Variants in NAA11 observed in about 807,000 individuals in gnomAD.
NAA11 encodes the protein N-alpha-acetyltransferase 11.
A neutral mutation model predicts 16.1 loss-of-function variants in NAA11; 15 were observed. The ratio of observed to expected loss-of-function variants is 0.93; its 90% CI spans 0.62 to 1.44. The LOEUF (loss-of-function observed/expected upper bound fraction) is 1.44. Among genes scored for constraint, NAA11 ranks in the 40% most tolerant of loss-of-function variants. The pLI is 0.00. For synonymous variants in NAA11, 122 were observed against 112.4 expected, an observed-to-expected ratio of 1.09 and a Z score of -0.54; for missense variants, 298 against 291.3, an observed-to-expected ratio of 1.02 and a Z score of -0.17.
At chr4:79,231,448 C>T (rs55699541) in intron 2 of NAA11, among the ~76,000 whole-genome samples, 6,794 of 152,024 alleles carry the variant, frequency 0.045, 211 homozygotes, top group Middle Eastern at 0.11. Context: ...TCAGAATCCT[C>T]ACAACAAAAT....
At chr4:79,157,302 C>A in the NAA11 span, among the ~76,000 whole-genome samples, 1 of 152,026 alleles carries the variant, frequency 6.6e-6, no homozygotes, top group South Asian at 2.1e-4. Context: ...CATTCTGATG[C>A]CTTTGCATCC....
chr4:79,245,718 G>C lies in NAA11; in HGVS notation c.*123-19448C>G, dbSNP rs184755755. On this transcript the variant is annotated intron_variant and NMD_transcript_variant, in intron 2 of 2. Transcript: ENST00000511542. The stretch of plus-strand genomic sequence containing the variant: ...GTGTCTCTGCCTGTTCGCCCCCTCT[G>C]GGAGGTTGGGGGCGCCCCCGCCCGG... 4.1e-3 allele frequency among the ~76,000 whole-genome samples: 617 copies of C among 151,896 alleles called. 6 individuals carry two copies. Among genetic ancestry groups the C allele is most frequent in the African/African-American group, 0.014 (585 of 41,454 alleles).
In NAA11 at chr4:79,284,636, C is replaced by T. The variant is rs1236083131; in HGVS notation, c.*122+9369G>A. Among the ~76,000 whole-genome samples the T allele has an allele frequency of 7.4e-5, 2 of 26,934 alleles. 1 individual carries two copies. The highest frequency in any genetic ancestry group is 1.4e-4 in the Non-Finnish European group (2 of 14,404). The allele number at this position is 26,934 out of a possible 152,430, so 17.7% of individuals were successfully genotyped here. A position where few individuals can be genotyped will look rare whatever the true frequency, so the allele number is the denominator to read the frequency against. On this transcript the variant is annotated intron_variant and NMD_transcript_variant, in intron 2 of 2. Coordinates refer to the NAA11 transcript ENST00000511542. ...CTGTAATCCCAGCACTTTGGGAGGC[C>T]GAGGCGGGTGGATCATGAGGTCAGG...
intron 2 of NAA11, among the ~76,000 whole-genome samples, chr4:79,246,139 G>A (rs1721817388): frequency 6.6e-6 from 1 of 152,124 alleles, no homozygotes; most frequent in African/African-American, 2.4e-5. Flanking sequence ...TAAGGGCAGT[G>A]CAAGATGTGC....
intron 2 of NAA11, among the ~76,000 whole-genome samples, chr4:79,276,304 G>T (rs1441300513): frequency 6.6e-6 from 1 of 152,112 alleles, no homozygotes; most frequent in African/African-American, 2.4e-5. Flanking sequence ...AGTCCTCAAA[G>T]ACATGTCTGT....
chr4:79,321,246 A>AG (rs1724080266), intron 1 of NAA11, among the ~76,000 whole-genome samples: 2 of 152,218 alleles, frequency 1.3e-5, no homozygotes, highest in Non-Finnish European at 2.9e-5. Context: ...AAAACTTCTC[A>AG]AAGTCCAGAG....
At chr4:79,300,740 C>T (rs1253997768) in intron 1 of NAA11, among the ~76,000 whole-genome samples, 1 of 152,078 alleles carries the variant, frequency 6.6e-6, no homozygotes, top group Non-Finnish European at 1.5e-5. Context: ...GTTTTTAATG[C>T]ATTGGGATCC....
the NAA11 span, among the ~76,000 whole-genome samples, chr4:79,207,717 C>G: frequency 6.6e-6 from 1 of 152,128 alleles, no homozygotes; most frequent in Admixed American, 6.6e-5. Flanking sequence ...AAAGGGTTAT[C>G]ATTAGTGACC....
chr4:79,316,296 GAAT>G, downstream of NAA11, among the ~76,000 whole-genome samples: 1 of 152,222 alleles, frequency 6.6e-6, no homozygotes, highest in East Asian at 1.9e-4. Context: ...CGTTGAGATA[GAAT>G]ATTAAAAAGA....
chr4:79,267,443 G>A (rs1300566149), intron 2 of NAA11, among the ~76,000 whole-genome samples: 1 of 152,162 alleles, frequency 6.6e-6, no homozygotes, highest in Non-Finnish European at 1.5e-5. Flanking sequence ...CATTTGGACA[G>A]GTCATAGAAT....
chr4:79,235,333 T>C (rs1293600573), intron 2 of NAA11, among the ~76,000 whole-genome samples: 1 of 151,890 alleles, frequency 6.6e-6, no homozygotes, highest in Non-Finnish European at 1.5e-5. Flanking sequence ...GGTGGTGAGC[T>C]AACAGGCTTT....
At chr4:79,201,580 T>C in the NAA11 span, among the ~76,000 whole-genome samples, 1 of 151,698 alleles carries the variant, frequency 6.6e-6, no homozygotes, top group Non-Finnish European at 1.5e-5. Flanking sequence ...ACCCTTTGCC[T>C]GTCATATGTA....
the NAA11 span, among the ~76,000 whole-genome samples, chr4:79,187,123 C>T: frequency 6.6e-6 from 1 of 152,128 alleles, no homozygotes; most frequent in Admixed American, 6.5e-5. Context: ...GTCAGCTTTT[C>T]AAATAGGTTT....
chr4:79,292,170 C>G (rs1197014721), intron 2 of NAA11, among the ~76,000 whole-genome samples: 1 of 152,170 alleles, frequency 6.6e-6, no homozygotes, highest in Non-Finnish European at 1.5e-5. Context: ...TATTTTTCCC[C>G]TACCACCCAC....
At chr4:79,300,948 C>T (rs1469687651) in intron 1 of NAA11, among the ~76,000 whole-genome samples, 2 of 152,204 alleles carry the variant, frequency 1.3e-5, no homozygotes, top group African/African-American at 4.8e-5. Context: ...CACTCCATGA[C>T]TTTGCAGTAA....
the NAA11 span, among the ~76,000 whole-genome samples, chr4:79,187,215 C>T: frequency 6.6e-6 from 1 of 152,172 alleles, no homozygotes; most frequent in Non-Finnish European, 1.5e-5. Context: ...GGCTGAATAA[C>T]AGATATCATT....
chr4:79,308,542 C>T (rs934866825), intron 1 of NAA11: 3 of 152,138 alleles, frequency 2.0e-5, no homozygotes, highest in Non-Finnish European at 4.4e-5. Flanking sequence ...GATGTCAAGC[C>T]TGTATGCATA....
downstream of NAA11, among the ~76,000 whole-genome samples, chr4:79,315,390 T>C (rs1270830803): frequency 1.3e-5 from 2 of 152,078 alleles, no homozygotes; most frequent in African/African-American, 2.4e-5. Flanking sequence ...GATGGTCATC[T>C]CTCGCTTCTT....
At chr4:79,230,348 A>G (rs953188323) in intron 2 of NAA11, among the ~76,000 whole-genome samples, 2 of 151,912 alleles carry the variant, frequency 1.3e-5, no homozygotes, top group East Asian at 1.9e-4. Context: ...TGGGTGCAGC[A>G]CACCAGCATG....
Sources: gnomAD v4.1 joint callset for allele counts (sites outside exome capture counted in the v4.1 genomes callset) on GRCh38, gnomAD v4.1.1 for gene constraint, MANE v1.5 for transcripts, NCBI Gene and HGNC (gene_info 2026-07-23, HGNC 2026-07-21) for gene names.